BRAT1: variants seen among roughly 807,000 people sequenced by gnomAD.
BRAT1 encodes BRCA1 associated ATM activator 1, also known as integrator complex assembly factor BRAT1.
A neutral mutation model predicts 70.6 loss-of-function variants in BRAT1; 74 were observed. The observed-to-expected ratio is 1.05, with a 90% CI of 0.87 to 1.27. The LOEUF (loss-of-function observed/expected upper bound fraction) is 1.27. BRAT1 is among the 50% of genes most tolerant of loss of function. The pLI, the probability that BRAT1 is intolerant of heterozygous loss-of-function variation, is 0.00. For synonymous variants in BRAT1, 615 were observed against 517.1 expected (o/e 1.19, Z -2.57); for missense variants, 1,203 against 1,098.2 (o/e 1.10, Z -1.35).
chr7:2,550,499 GAAAAGA>G (rs1339842949), intron 2 of BRAT1, among the ~76,000 whole-genome samples: 1 of 58,888 alleles, frequency 1.7e-5, no homozygotes, highest in Non-Finnish European at 3.6e-5. Flanking sequence ...AAAAAAGAAA[GAAAAGA>G]AAAAGAAAAA....
rs780957703 is a variant in BRAT1 at position 2,545,033 on chromosome 7, G to C, written c.306C>G (p.Leu102=). The C allele has an allele frequency of 1.3e-5, 19 of 1,519,022 alleles. No homozygotes were observed. In the East Asian group the frequency reaches 4.3e-4, roughly 34 times the overall value. The allele number at this position is 1,519,022 out of a possible 1,614,324, so 94.1% of individuals were successfully genotyped here. A position where few individuals can be genotyped will look rare whatever the true frequency, so the allele number is the denominator to read the frequency against. Residue 102 remains leucine, a synonymous_variant, in exon 4 of 14, where the codon CTC becomes CTG. Transcript: ENST00000340611. ...GGCCGAGGGGTCCTGGCTCCCCAAA[G>C]AGCCCTGGTAGTAACTCCCCCTGCT... is the stretch of plus-strand genomic sequence containing the variant. ...YLQQGELLPG[L]FGEPGPLGRA...
At chr7:2,539,742 C>T (rs1778996575) in intron 11 of BRAT1, 44 bp downstream of exon 11, 2 of 1,569,552 alleles carry the variant, frequency 1.3e-6, no homozygotes, top group African/African-American at 2.7e-5. Flanking sequence ...TGCCTCCACC[C>T]CTGCGACTCC....
At chr7:2,552,106 A>ATATATATATATATATATATATATTTTT (rs1245262304) in intron 2 of BRAT1, among the ~76,000 whole-genome samples, 1 of 14,214 alleles carries the variant, frequency 7.0e-5, no homozygotes, top group African/African-American at 2.3e-4. Context: ...ATATATATAT[A>ATATATATATATATATATATATATTTTT]TTTTTTTTTT....
chr7:2,540,231 A>C, intron 10 of BRAT1: 1 of 238,388 alleles, frequency 4.2e-6, no homozygotes, highest in Non-Finnish European at 8.1e-6. Flanking sequence ...TCCTGGGGCT[A>C]ATTTTTCTAT....
rs1212647877 is a variant in BRAT1 at position 2,538,648 on chromosome 7, C to T, written c.1887G>A (p.Gln629=). The T allele has an allele frequency of 6.3e-6, 10 of 1,598,314 alleles. No homozygotes were observed. The highest frequency in any genetic ancestry group is 6.8e-6 in the Non-Finnish European group (8 of 1,179,640). The stretch of plus-strand genomic sequence containing the variant: ...CAGTGGCCACGAACTGCTCCGTGTC[C>T]TGGGCCGCGTCGGCGTGGCCGTCCC... The part of the protein sequence containing the change: ...WLRDGHADAA[Q]DTEQFVATVL... Residue 629 remains glutamine, a synonymous_variant, in exon 14 of 14, where the codon CAG becomes CAA. Coordinates refer to ENST00000340611, the MANE Select transcript of BRAT1 (RefSeq NM_152743.4).
At chr7:2,545,181 T>C (rs1023770947) in intron 3 of BRAT1, 125 bp from the exon 4 acceptor site, 2 of 1,075,876 alleles carry the variant, frequency 1.9e-6, no homozygotes, top group Non-Finnish European at 2.5e-6. Context: ...CTGACCAACA[T>C]GGTGAAACCC....
intron 1 of BRAT1, among the ~76,000 whole-genome samples, chr7:2,555,000 T>C (rs1780311457): frequency 6.8e-6 from 1 of 147,154 alleles, no homozygotes; most frequent in Non-Finnish European, 1.5e-5. Flanking sequence ...CTGCATTTGC[T>C]GTTCTGCAGC....
chr7:2,538,256 T>A lies in BRAT1; in HGVS notation c.2279A>T (p.Gln760Leu). The A allele has an allele frequency of 6.2e-7, 1 of 1,610,748 alleles. No individual in the cohort carries two copies. Among genetic ancestry groups the A allele is most frequent in the Admixed American group, 1.7e-5 (1 of 59,926 alleles). ...CTCCTGGTCCCCTGGGGGCTGGGCC[T>A]GCTCACCCGCCCGCCACCTCGGCAG... ...ATLPRWRAGE[Q>L]AQPPGDQEPE... is the part of the protein sequence containing the mutation. Residue 760 changes from glutamine to leucine, a missense_variant, in exon 14 of 14, where the codon CAG (glutamine) becomes CTG (leucine). Physicochemically the swap from Gln to Leu is moderately radical, Grantham distance 113. Transcript: ENST00000340611.
rs752965856 is a variant in BRAT1, at chr7:2,538,590, C to G, written c.1945G>C (p.Glu649Gln). Reference sequence around the variant, plus strand: ...AGCTCCAGGCCCTGGGCGCGGACCTCCCAGTCCAGGTCTCGGCTCGCCGCC... The same window carrying G: ...AGCTCCAGGCCCTGGGCGCGGACCTGCCAGTCCAGGTCTCGGCTCGCCGCC... ...LQAASRDLDW[E>Q]VRAQGLELAL... Residue 649 changes from glutamate to glutamine, a missense_variant, in exon 14 of 14, where the codon GAG becomes CAG. Transcript: ENST00000340611. 9.4e-6 allele frequency: 15 copies of G among 1,599,516 alleles called. No individual in the cohort carries two copies. The highest frequency in any genetic ancestry group is 2.2e-5 in the South Asian group (2 of 90,938).
intron 1 of BRAT1, among the ~76,000 whole-genome samples, chr7:2,555,281 GA>G (rs1293015812): frequency 2.0e-5 from 3 of 152,090 alleles, no homozygotes; most frequent in Admixed American, 2.0e-4. Flanking sequence ...CCCACACTTT[GA>G]AGTCAGTTTT....
rs1174955076 is a variant in BRAT1, at chr7:2,547,482, T to A, written c.128-4A>T. 2.5e-6 allele frequency: 4 copies of A among 1,613,642 alleles called. No individual in the cohort carries two copies. The African/African-American group carries it at 4.0e-5, about 16-fold the overall frequency. On this transcript the variant is annotated splice_region_variant and splice_polypyrimidine_tract_variant and intron_variant, in intron 2 of 13. Transcript: ENST00000340611. Reference sequence around the variant, plus strand: ...TGCAGCAGCACGACACTGGACTCTGTGGGGATGGCCCAGCCCAGGGGTCAC... The same window carrying A: ...TGCAGCAGCACGACACTGGACTCTGAGGGGATGGCCCAGCCCAGGGGTCAC...
rs745563920 is a variant in BRAT1 at position 2,541,315 on chromosome 7, G to A, written c.1304C>T (p.Thr435Met). 1.4e-5 allele frequency: 22 copies of A among 1,595,316 alleles called. No homozygotes were observed. Among genetic ancestry groups the A allele is most frequent in the African/African-American group, 1.3e-4 (10 of 74,812 alleles). The change falls in exon 9 of 14, where the codon ACG (threonine) becomes ATG (methionine). Residue 435 changes from threonine (T) to methionine (M), a missense_variant. By Grantham distance (81) the Thr-to-Met change is moderately conservative. Coordinates refer to ENST00000340611, the MANE Select transcript of BRAT1 (RefSeq NM_152743.4). The stretch of plus-strand genomic sequence containing the variant: ...ACACTCACCTGTCCCCTGTGACAGC[G>A]TCCCCAGGAAGTCGAGGGCTGCTCG... Reference protein sequence around the residue: ...VQRAALDFLGTLSQGTGPQEL... With the variant: ...VQRAALDFLGMLSQGTGPQEL...
chr7:2,539,563 C>A lies in BRAT1; in HGVS notation c.1578G>T (p.Gln526His). 6.4e-7 allele frequency: 1 copy of A among 1,570,964 alleles called. No individual in the cohort carries two copies. Among genetic ancestry groups the A allele is most frequent in the Non-Finnish European group, 8.6e-7 (1 of 1,157,270 alleles). Residue 526 changes from glutamine (Q) to histidine (H), a missense_variant, in exon 12 of 14, where the codon CAG (glutamine) becomes CAT (histidine). By Grantham distance (24) the Gln-to-His change is conservative. Transcript: ENST00000340611. ...ACTCACCTCCCCAGTGCCTGCTCAG[C>A]TGGGTCAGGAACTCGAGGGCGGAGT... ...VRDSALEFLT[Q>H]LSRHWGGQAD...
intron 3 of BRAT1, among the ~76,000 whole-genome samples, chr7:2,545,548 T>G (rs1201494109): frequency 6.8e-6 from 1 of 146,566 alleles, no homozygotes; most frequent in Non-Finnish European, 1.5e-5. Context: ...TGGAGTGCAG[T>G]GGCACATCTC....
At chr7:2,548,557 T>C (rs1779777173) in intron 2 of BRAT1, among the ~76,000 whole-genome samples, 1 of 151,668 alleles carries the variant, frequency 6.6e-6, no homozygotes, top group South Asian at 2.1e-4. Flanking sequence ...TCCCAGCTAC[T>C]CAGGAGGCTG....
At chr7:2,553,806 T>C (rs549308101) in intron 2 of BRAT1, among the ~76,000 whole-genome samples, 35 of 151,576 alleles carry the variant, frequency 2.3e-4, no homozygotes, top group African/African-American at 8.5e-4. Context: ...CAGGCACAGC[T>C]AATTTTTGTT....
At chr7:2,538,992 CAG>C in intron 13 of BRAT1, 185 bp downstream of exon 13, 1 of 1,437,662 alleles carries the variant, frequency 7.0e-7, no homozygotes, top group South Asian at 1.5e-5. Context: ...GCTGGGGAGA[CAG>C]AAGGCGAAGC....
rs533344105 is a variant in BRAT1 at position 2,543,766 on chromosome 7, C to T, written c.627G>A (p.Ala209=). ...GGGCCTGAGTGACCTTGGGGGTGGC[C>T]GCGGAGCACAAGGACTCTTCAACGT... ...MDHVEESLCS[A]ATPKVTQALN... is the part of the protein sequence containing the mutation. Residue 209 remains alanine, a synonymous_variant, in exon 5 of 14, where the codon GCG becomes GCA. Transcript: ENST00000340611. The surrounding 1 kb of genome is among the most constrained non-coding windows in gnomAD (Gnocchi z 5.5). The T allele has an allele frequency of 2.1e-5, 34 of 1,607,328 alleles. No homozygotes were observed. The East Asian group carries it at 6.7e-4, about 32-fold the overall frequency.
chr7:2,553,151 T>C (rs909162766), intron 2 of BRAT1, among the ~76,000 whole-genome samples: 1 of 152,004 alleles, frequency 6.6e-6, no homozygotes, highest in East Asian at 1.9e-4. Flanking sequence ...TCCCCCTCAG[T>C]CTCCCAAGTA....
Sources: gnomAD v4.1 joint callset for allele counts (sites outside exome capture counted in the v4.1 genomes callset) on GRCh38, gnomAD v4.1.1 for gene constraint, Gnocchi (gnomAD v3.1) non-coding constraint, MANE v1.5 for transcripts, NCBI Gene and HGNC (gene_info 2026-07-23, HGNC 2026-07-21) for gene names.